Variants in PAQR8 observed in about 807,000 individuals in gnomAD.
PAQR8 encodes the protein membrane progestin receptor beta.
A neutral mutation model predicts 25.2 loss-of-function variants in PAQR8; 17 were observed. That is an observed-to-expected ratio of 0.67 (90% CI 0.46 to 1.01). The LOEUF (loss-of-function observed/expected upper bound fraction) is 1.01, where lower values mean the gene tolerates loss of function less well. PAQR8 is among the 50% of genes least tolerant of loss of function. PAQR8 has a pLI of 0.00. For synonymous variants in PAQR8, 204 were observed against 190.6 expected, an observed-to-expected ratio of 1.07 and a Z score of -0.58; for missense variants, 392 against 448.4, an observed-to-expected ratio of 0.87 and a Z score of 1.14.
chr6:52,369,947 G>A (rs576223500), intron 1 of PAQR8, among the ~76,000 whole-genome samples: 46 of 152,186 alleles, frequency 3.0e-4, no homozygotes, highest in Admixed American at 1.3e-4. Context: ...TACCCAGATA[G>A]GTTCAAGAAT....
At position 52,403,386 on chromosome 6, in the gene PAQR8, C is replaced by A. The variant is rs138992716; in HGVS notation, c.173C>A (p.Thr58Lys). 1.2e-6 allele frequency: 2 copies of A among 1,614,128 alleles called. No individual in the cohort carries two copies. The highest frequency in any genetic ancestry group is 1.7e-5 in the Admixed American group (1 of 60,014). ...EPYIRTGYRP[T>K]GHEWRYYFFS... is the part of the protein sequence containing the mutation. ...TACATCCGCACCGGCTACCGCCCCA[C>A]GGGGCACGAGTGGCGCTACTACTTC... The change falls in exon 2 of 2, where the codon ACG (threonine) becomes AAG (lysine). Residue 58 changes from threonine (T) to lysine (K), a missense_variant. Transcript: ENST00000442253.
chr6:52,377,473 T>C (rs1251716560), intron 1 of PAQR8, among the ~76,000 whole-genome samples: 1 of 152,190 alleles, frequency 6.6e-6, no homozygotes, highest in Non-Finnish European at 1.5e-5. Flanking sequence ...TGATGTACCT[T>C]GTTGATATTA....
intron 1 of PAQR8, among the ~76,000 whole-genome samples, chr6:52,393,109 T>G (rs1003808874): frequency 1.3e-5 from 2 of 152,210 alleles, no homozygotes; most frequent in Non-Finnish European, 2.9e-5. Flanking sequence ...GTCAACTGCT[T>G]AGTCACCTCC....
intron 1 of PAQR8, among the ~76,000 whole-genome samples, chr6:52,377,582 C>G (rs549899130): frequency 1.3e-5 from 2 of 152,100 alleles, no homozygotes; most frequent in Admixed American, 6.5e-5. Flanking sequence ...TATCAAAACA[C>G]AGGAAAATCA....
At chr6:52,380,372 C>A (rs567541048) in intron 1 of PAQR8, among the ~76,000 whole-genome samples, 1 of 152,168 alleles carries the variant, frequency 6.6e-6, no homozygotes, top group East Asian at 1.9e-4. Flanking sequence ...AGTACATATT[C>A]GTGGGCAGCT....
chr6:52,388,931 G>C (rs1415367370), intron 1 of PAQR8, among the ~76,000 whole-genome samples: 2 of 152,204 alleles, frequency 1.3e-5, no homozygotes, highest in Non-Finnish European at 2.9e-5. Context: ...TGTGTGGCTT[G>C]TTCAGGCAAT....
intron 1 of PAQR8, among the ~76,000 whole-genome samples, chr6:52,372,855 A>T (rs1763436438): frequency 1.3e-5 from 2 of 152,024 alleles, no homozygotes; most frequent in Admixed American, 1.3e-4. Flanking sequence ...GGACCCTTTT[A>T]TTATAATTCT....
At position 52,406,606 on chromosome 6, in the gene PAQR8, A is replaced by G; in HGVS notation, c.*2328A>G. 2.4e-6 allele frequency: 1 copy of G among 411,774 alleles called. No homozygotes were observed. Among genetic ancestry groups the G allele is most frequent in the Non-Finnish European group, 4.4e-6 (1 of 226,104 alleles). 25.5% of individuals were successfully genotyped at this position (411,774 alleles called of 1,614,324 possible). On this transcript the variant is annotated 3_prime_UTR_variant, in exon 2 of 2. Coordinates refer to ENST00000442253, the MANE Select transcript of PAQR8 (RefSeq NM_133367.5). ...GAGACAGGGTCTTACTCTGTCGCCC[A>G]GGCTGGAGTGCAGTGATGCAATCAC...
intron 1 of PAQR8, among the ~76,000 whole-genome samples, chr6:52,385,196 T>G (rs1284150986): frequency 1.3e-5 from 2 of 152,182 alleles, no homozygotes; most frequent in Admixed American, 6.5e-5. Context: ...TCACAAGATC[T>G]CATGGTTTTA....
At chr6:52,371,448 A>G (rs1377139328) in intron 1 of PAQR8, among the ~76,000 whole-genome samples, 2 of 152,154 alleles carry the variant, frequency 1.3e-5, no homozygotes, top group African/African-American at 4.8e-5. Context: ...GAATTCTTCT[A>G]TTACAGAAGA....
intron 1 of PAQR8, among the ~76,000 whole-genome samples, chr6:52,396,059 T>C (rs1278338684): frequency 6.6e-6 from 1 of 152,240 alleles, no homozygotes; most frequent in Non-Finnish European, 1.5e-5. Flanking sequence ...GTGTCTTCTA[T>C]ATGCCAGATA....
Position 52,403,536 on chromosome 6 carries a change from A to G in PAQR8, c.323A>G (p.His108Arg), listed in dbSNP as rs760725381. 7 of 1,613,646 alleles carry G rather than the reference A, an allele frequency of 4.3e-6. No individual in the cohort carries two copies. In the South Asian group the frequency reaches 4.4e-5, roughly 10 times the overall value. Reference sequence around the variant, plus strand: ...GAGGCCTTGCCATGGGCGTCTACCCACTCCCTGCCTCTGCTCCTCTTCATC... The same window carrying G: ...GAGGCCTTGCCATGGGCGTCTACCCGCTCCCTGCCTCTGCTCCTCTTCATC... ...EAEALPWAST[H>R]SLPLLLFILS... Residue 108 changes from histidine (H) to arginine (R), a missense_variant, in exon 2 of 2, where the codon CAC becomes CGC. Transcript: ENST00000442253.
chr6:52,364,103 T>TTTTTTTTTTTG (rs59464397), intron 1 of PAQR8, among the ~76,000 whole-genome samples: 1 of 138,960 alleles, frequency 7.2e-6, no homozygotes, highest in African/African-American at 2.8e-5. Context: ...TTTTTTTTTT[T>TTTTTTTTTTTG]GCGGGTGTGT....
At chr6:52,368,767 T>G (rs559720441) in intron 1 of PAQR8, among the ~76,000 whole-genome samples, 10 of 151,614 alleles carry the variant, frequency 6.6e-5, no homozygotes, top group Admixed American at 2.0e-4. Flanking sequence ...ATATACTGAT[T>G]TTTTTTTAAC....
At chr6:52,402,652 A>G (rs1763849170) in intron 1 of PAQR8, among the ~76,000 whole-genome samples, 2 of 151,922 alleles carry the variant, frequency 1.3e-5, no homozygotes, top group African/African-American at 2.4e-5. Context: ...AAGAAAAAAA[A>G]GAATATTGGG....
Position 52,398,985 on chromosome 6 carries a change from G to T in PAQR8, c.-52-4177G>T, listed in dbSNP as rs866502368. ...CCCTGGACTCTCAGGTTCCTTTGTGGCTATTGGGTTACACACTCCAGGGGG... is the reference window on the plus strand; with the variant it reads ...CCCTGGACTCTCAGGTTCCTTTGTGTCTATTGGGTTACACACTCCAGGGGG... On this transcript the variant is annotated intron_variant, in intron 1 of 1. Transcript: ENST00000442253. Among the ~76,000 whole-genome samples the T allele has an allele frequency of 6.4e-4, 97 of 152,206 alleles. 1 individual carries two copies. The highest frequency in any genetic ancestry group is 2.3e-3 in the African/African-American group (94 of 41,512).
At chr6:52,368,449 A>G (rs1763379928) in intron 1 of PAQR8, among the ~76,000 whole-genome samples, 1 of 152,150 alleles carries the variant, frequency 6.6e-6, no homozygotes, top group Non-Finnish European at 1.5e-5. Context: ...GTTGAGGGTC[A>G]AGGACCACTG....
rs1245380553 is a variant in PAQR8, at chr6:52,407,633, G to C, written c.*3355G>C. 3 of 138,102 alleles carry C rather than the reference G, an allele frequency of 2.2e-5. No individual in the cohort carries two copies. The highest frequency in any genetic ancestry group is 9.6e-5 in the African/African-American group (3 of 31,114). The allele number at this position is 138,102 out of a possible 1,614,324, so 8.6% of individuals were successfully genotyped here. A position where few individuals can be genotyped will look rare whatever the true frequency, so the allele number is the denominator to read the frequency against. ...AAAGGGCACTGCCATTGTCCCCAAG[G>C]CTTCTGTCTACTAATTCTATTGGTC... On this transcript the variant is annotated 3_prime_UTR_variant, in exon 2 of 2. Transcript: ENST00000442253.
intron 1 of PAQR8, among the ~76,000 whole-genome samples, chr6:52,383,811 A>C (rs1180968650): frequency 2.0e-5 from 3 of 152,190 alleles, no homozygotes; most frequent in African/African-American, 7.2e-5. Context: ...AGGTCCTGGA[A>C]GGCTTTGACG....
Sources: gnomAD v4.1 joint callset for allele counts (sites outside exome capture counted in the v4.1 genomes callset) on GRCh38, gnomAD v4.1.1 for gene constraint, MANE v1.5 for transcripts, NCBI Gene and HGNC (gene_info 2026-07-23, HGNC 2026-07-21) for gene names.